The following PDE6G variants were observed in gnomAD, a reference collection of about 807,000 sequenced individuals.
PDE6G encodes phosphodiesterase 6G.
Under a neutral mutation model 10.9 loss-of-function variants are expected in PDE6G, and 10 were observed. The ratio of observed to expected loss-of-function variants is 0.91; its 90% CI spans 0.56 to 1.55. The LOEUF (loss-of-function observed/expected upper bound fraction) is 1.55. Ranked by LOEUF, PDE6G falls within the 40% of genes most tolerant of loss-of-function variation. PDE6G has a pLI of 0.00. For synonymous variants in PDE6G, 41 were observed against 42.8 expected, an observed-to-expected ratio of 0.96 and a Z score of 0.16; for missense variants, 102 against 110.1, an observed-to-expected ratio of 0.93 and a Z score of 0.33.
chr17:81,656,551 G>A (rs766183354), upstream of PDE6G: 2 of 762,414 alleles, frequency 2.6e-6, no homozygotes, highest in East Asian at 2.4e-5. Flanking sequence ...CCTCCGCAGG[G>A]TGCCAGCCCC....
At position 81,650,908 on chromosome 17, in the gene PDE6G, C is replaced by T. The variant is rs1349042511; in HGVS notation, c.*166G>A. 3 of 675,430 alleles carry T rather than the reference C, an allele frequency of 4.4e-6. No homozygotes were observed. Among genetic ancestry groups the T allele is most frequent in the Admixed American group, 4.2e-5 (2 of 47,954 alleles). The allele number at this position is 675,430 out of a possible 1,614,324, so 41.8% of individuals were successfully genotyped here. A position where few individuals can be genotyped will look rare whatever the true frequency, so the allele number is the denominator to read the frequency against. Reference sequence around the variant, plus strand: ...CATCCTAGAGGGAGGTGGTGGGCTCCTGGTGACTGGTATTAATATGTAGGG... The same window carrying T: ...CATCCTAGAGGGAGGTGGTGGGCTCTTGGTGACTGGTATTAATATGTAGGG... On this transcript the variant is annotated 3_prime_UTR_variant, in exon 4 of 4. Transcript: ENST00000331056.
upstream of PDE6G, among the ~76,000 whole-genome samples, chr17:81,657,583 A>T (rs1348146351): frequency 6.6e-6 from 1 of 152,158 alleles, no homozygotes; most frequent in African/African-American, 2.4e-5. Flanking sequence ...CTGCACCTTT[A>T]AAAACCCATA....
chr17:81,655,959 T>A (rs1484058922), intron 1 of PDE6G, among the ~76,000 whole-genome samples: 1 of 152,110 alleles, frequency 6.6e-6, no homozygotes, highest in Non-Finnish European at 1.5e-5. Flanking sequence ...TCAGCCTCTG[T>A]CCCCGGGACT....
chr17:81,655,116 G>A (rs540824538), intron 1 of PDE6G, among the ~76,000 whole-genome samples: 1 of 152,284 alleles, frequency 6.6e-6, no homozygotes, highest in African/African-American at 2.4e-5. Flanking sequence ...GTGCTTTGCA[G>A]TTGGGGTGCT....
chr17:81,653,566 A>G lies in PDE6G; in HGVS notation c.-59-202T>C, dbSNP rs2036401976. On this transcript the variant is annotated intron_variant, in intron 1 of 3. Transcript: ENST00000331056. The surrounding 1 kb of genome is among the most constrained non-coding windows in gnomAD (Gnocchi z 5.2). ...CCGCACGCTCCCATTCCCCTTGCCTAGTGGATGCCCCCCTGCAACGCTGGC... is the reference window on the plus strand; with the variant it reads ...CCGCACGCTCCCATTCCCCTTGCCTGGTGGATGCCCCCCTGCAACGCTGGC... 3.4e-5 allele frequency: 18 copies of G among 531,282 alleles called. No homozygotes were observed. The South Asian group carries it at 3.4e-4, about 10-fold the overall frequency. 32.9% of individuals were successfully genotyped at this position (531,282 alleles called of 1,614,324 possible).
chr17:81,659,787 C>T (rs1290517607), upstream of PDE6G, among the ~76,000 whole-genome samples: 2 of 152,030 alleles, frequency 1.3e-5, no homozygotes, highest in South Asian at 4.2e-4. Flanking sequence ...CTTATGTTTA[C>T]ATGAAATGAA....
At chr17:81,656,423 G>A (rs184040979) in intron 1 of PDE6G, 70 bp downstream of exon 1, 4 of 715,734 alleles carry the variant, frequency 5.6e-6, no homozygotes, top group South Asian at 2.9e-5. Context: ...CTTGGGTGAT[G>A]AGCAGACCCC....
chr17:81,655,036 C>T lies in PDE6G; in HGVS notation c.-60+1457G>A, dbSNP rs12946993. On this transcript the variant is annotated intron_variant, in intron 1 of 3. Coordinates refer to ENST00000331056, the MANE Select transcript of PDE6G (RefSeq NM_002602.4). ...CCTCCCAAAGTGCTGGGATTACAGG[C>T]GTGAGCCACTGCGCCCGGCCAACCC... 2.7e-3 allele frequency among the ~76,000 whole-genome samples: 407 copies of T among 152,152 alleles called. 1 individual carries two copies. The highest frequency in any genetic ancestry group is 3.5e-3 in the Admixed American group (54 of 15,270).
chr17:81,654,569 A>C (rs1223818816), intron 1 of PDE6G, among the ~76,000 whole-genome samples: 1 of 151,802 alleles, frequency 6.6e-6, no homozygotes, highest in Non-Finnish European at 1.5e-5. Context: ...TTTTTAGTAC[A>C]GATGGGGTTT....
chr17:81,660,551 GAACA>G (rs1204137722), upstream of PDE6G, among the ~76,000 whole-genome samples: 5 of 152,110 alleles, frequency 3.3e-5, no homozygotes, highest in East Asian at 5.8e-4. Flanking sequence ...TGTTTTTTGA[GAACA>G]AACAAACTCA....
upstream of PDE6G, chr17:81,656,620 T>C (rs1193313822): frequency 4.2e-6 from 3 of 722,144 alleles, no homozygotes; most frequent in South Asian, 2.9e-5. Context: ...CCTAATGAGA[T>C]TGTTGGGCCC....
chr17:81,653,607 ACTCCCCCCTGTCCTGGC>A lies in PDE6G; in HGVS notation c.-59-260_-59-244del. On this transcript the variant is annotated intron_variant, in intron 1 of 3. Coordinates refer to ENST00000331056, the MANE Select transcript of PDE6G (RefSeq NM_002602.4). The surrounding 1 kb of genome is among the most constrained non-coding windows in gnomAD (Gnocchi z 5.2). ...CAACGCTGGCCACACACAGCTCCGG[ACTCCCCCCTGTCCTGGC>A]CTCCCTCGCCCCGGCCCACAATCCA... is the stretch of plus-strand genomic sequence containing the variant. 1 of 440,912 alleles carries A rather than the reference ACTCCCCCCTGTCCTGGC, an allele frequency of 2.3e-6. No individual in the cohort carries two copies. The highest frequency in any genetic ancestry group is 4.2e-6 in the Non-Finnish European group (1 of 236,776). The allele number at this position is 440,912 out of a possible 1,614,324, so 27.3% of individuals were successfully genotyped here.
At position 81,651,023 on chromosome 17, in the gene PDE6G, A is replaced by C; in HGVS notation, c.*51T>G. The C allele has an allele frequency of 7.5e-7, 1 of 1,336,784 alleles. No homozygotes were observed. Among genetic ancestry groups the C allele is most frequent in the Non-Finnish European group, 1.1e-6 (1 of 927,234 alleles). 82.8% of individuals were successfully genotyped at this position (1,336,784 alleles called of 1,614,324 possible). A position where few individuals can be genotyped will look rare whatever the true frequency, so the allele number is the denominator to read the frequency against. Reference sequence around the variant, plus strand: ...TCAACAGGAATCCTGAGCAGGGTTTAGAGCACAGTGGGCAGGAGGGGGAGG... The same window carrying C: ...TCAACAGGAATCCTGAGCAGGGTTTCGAGCACAGTGGGCAGGAGGGGGAGG... On this transcript the variant is annotated 3_prime_UTR_variant, in exon 4 of 4. Transcript: ENST00000331056. This position sits in a 1 kb window ranked among gnomAD's most constrained non-coding sequence, Gnocchi z 4.8.
intron 1 of PDE6G, among the ~76,000 whole-genome samples, chr17:81,654,941 T>C (rs191930006): frequency 7.3e-5 from 11 of 151,418 alleles, no homozygotes; most frequent in African/African-American, 2.4e-4. Context: ...TATTTTTTAG[T>C]AGAGATGGAG....
At chr17:81,662,039 G>A (rs958519982) in intron 1 of PDE6G, among the ~76,000 whole-genome samples, 19 of 151,760 alleles carry the variant, frequency 1.3e-4, no homozygotes, top group Admixed American at 7.9e-4. Context: ...TCAAAAAAAA[G>A]AAAATCTTTA....
rs920832380 is a variant in PDE6G, at chr17:81,653,751, T to C, written c.-59-387A>G. 30 of 186,348 alleles carry C rather than the reference T, an allele frequency of 1.6e-4. No individual in the cohort carries two copies. Among genetic ancestry groups the C allele is most frequent in the Middle Eastern group, 4.9e-3 (2 of 410 alleles). 11.5% of individuals were successfully genotyped at this position (186,348 alleles called of 1,614,324 possible). On this transcript the variant is annotated intron_variant, in intron 1 of 3. Transcript: ENST00000331056. The surrounding 1 kb of genome is among the most constrained non-coding windows in gnomAD (Gnocchi z 5.2). ...CAACTTCCTGCCCCTTCCCCTGCGTTCCCCACCCCAGGGAAGCGTGACTCC... is the reference window on the plus strand; with the variant it reads ...CAACTTCCTGCCCCTTCCCCTGCGTCCCCCACCCCAGGGAAGCGTGACTCC...
chr17:81,657,621 C>G (rs1770956169), upstream of PDE6G, among the ~76,000 whole-genome samples: 1 of 152,184 alleles, frequency 6.6e-6, no homozygotes, highest in African/African-American at 2.4e-5. Flanking sequence ...TGGCTCATGC[C>G]TGTAATCCCA....
chr17:81,655,443 G>A (rs964290964), intron 1 of PDE6G, among the ~76,000 whole-genome samples: 8 of 152,250 alleles, frequency 5.3e-5, no homozygotes, highest in African/African-American at 1.9e-4. Flanking sequence ...CGCCTGGCGT[G>A]GCGTGGCGTG....
chr17:81,657,880 CAAATGAATAAATAAAT>C (rs1228145105), upstream of PDE6G, among the ~76,000 whole-genome samples: 3 of 138,680 alleles, frequency 2.2e-5, no homozygotes, highest in African/African-American at 8.0e-5. Flanking sequence ...GATTCTGTTT[CAAATGAATAAATAAAT>C]AAATAAATAA....
Sources: gnomAD v4.1 joint callset for allele counts (sites outside exome capture counted in the v4.1 genomes callset) on GRCh38, gnomAD v4.1.1 for gene constraint, Gnocchi (gnomAD v3.1) non-coding constraint, MANE v1.5 for transcripts, NCBI Gene and HGNC (gene_info 2026-07-23, HGNC 2026-07-21) for gene names.